EIF2B3: variants seen among roughly 807,000 people sequenced by gnomAD.
EIF2B3 encodes the protein eukaryotic translation initiation factor 2B subunit gamma.
In EIF2B3, 20 loss-of-function variants were observed where a neutral mutation model predicts 54.1. That is an observed-to-expected ratio of 0.37 (90% confidence interval 0.26 to 0.54). The LOEUF is 0.54. Among genes scored for constraint, EIF2B3 ranks in the 20% least tolerant of loss-of-function variants. The probability of loss-of-function intolerance (pLI) is 0.86; values close to 1 mark genes in which losing one functional copy is unlikely to be tolerated. For synonymous variants in EIF2B3, 153 were observed against 188.1 expected, an observed-to-expected ratio of 0.81 and a Z score of 1.52; for missense variants, 448 against 547.8, an observed-to-expected ratio of 0.82 and a Z score of 1.82.
chr1:44,923,258 C>T (rs550781025), intron 5 of EIF2B3, among the ~76,000 whole-genome samples: 13 of 152,296 alleles, frequency 8.5e-5, no homozygotes, highest in Non-Finnish European at 1.3e-4. Flanking sequence ...CAGTACTATG[C>T]TGGGTAACAG....
intron 7 of EIF2B3, among the ~76,000 whole-genome samples, chr1:44,880,478 G>A (rs534063976): frequency 6.6e-6 from 1 of 152,316 alleles, no homozygotes; most frequent in East Asian, 1.9e-4. Flanking sequence ...CCAGGCTTTA[G>A]TGGCCAGCCA....
At chr1:44,853,043 G>A (rs2016216975) in intron 11 of EIF2B3, among the ~76,000 whole-genome samples, 2 of 152,100 alleles carry the variant, frequency 1.3e-5, no homozygotes, top group Non-Finnish European at 2.9e-5. Flanking sequence ...AAGATGTTAT[G>A]GACAAGTGAG....
intron 3 of EIF2B3, among the ~76,000 whole-genome samples, chr1:44,962,023 C>T (rs546871112): frequency 4.6e-5 from 7 of 152,218 alleles, no homozygotes; most frequent in African/African-American, 1.7e-4. Context: ...GAAATCTTGT[C>T]TCTACTAAAA....
At chr1:44,875,976 G>T (rs1277011107) in intron 8 of EIF2B3, among the ~76,000 whole-genome samples, 1 of 152,202 alleles carries the variant, frequency 6.6e-6, no homozygotes, top group Non-Finnish European at 1.5e-5. Context: ...TGGTGGAGAC[G>T]GGTTTCGCTG....
intron 5 of EIF2B3, among the ~76,000 whole-genome samples, chr1:44,901,573 T>TC (rs1643306792): frequency 7.6e-6 from 1 of 132,426 alleles, no homozygotes; most frequent in African/African-American, 3.2e-5. Context: ...TTTTTTTTTT[T>TC]CTTGAGACAG....
At position 44,881,546 on chromosome 1, in the gene EIF2B3, C is replaced by G. The variant is rs976014981; in HGVS notation, c.784+66G>C. On this transcript the variant is annotated intron_variant, in intron 7 of 11. Transcript: ENST00000360403. This position sits in a 1 kb window ranked among gnomAD's most constrained non-coding sequence, Gnocchi z 4.0. ...AGGCATCTTGGGCTGGGCTAAGCTG[C>G]CCAACCACTCTTTCCAAAGGTGCTG... 3.7e-6 allele frequency: 6 copies of G among 1,602,940 alleles called. No individual in the cohort carries two copies. The highest frequency in any genetic ancestry group is 5.1e-6 in the Non-Finnish European group (6 of 1,173,102).
intron 2 of EIF2B3, among the ~76,000 whole-genome samples, chr1:44,980,551 A>C (rs949993053): frequency 2.6e-5 from 4 of 152,170 alleles, no homozygotes; most frequent in African/African-American, 9.6e-5. Flanking sequence ...TAGCTACCCA[A>C]GCAAAAAGTA....
chr1:44,925,109 G>C (rs1643826071), intron 5 of EIF2B3: 1 of 152,160 alleles, frequency 6.6e-6, no homozygotes, highest in South Asian at 2.1e-4. Flanking sequence ...AAATGCCATG[G>C]AAACAGTATG....
At chr1:44,934,164 G>A (rs898232270) in intron 4 of EIF2B3, among the ~76,000 whole-genome samples, 1 of 152,286 alleles carries the variant, frequency 6.6e-6, no homozygotes, top group South Asian at 2.1e-4. Context: ...TTGGGAGGCT[G>A]AGGCAGGTGG....
intron 10 of EIF2B3, among the ~76,000 whole-genome samples, chr1:44,861,403 C>T (rs774502192): frequency 6.6e-6 from 1 of 152,094 alleles, no homozygotes; most frequent in African/African-American, 2.4e-5. Context: ...CCTACTCAGT[C>T]GTAAGAGCCA....
chr1:44,970,371 A>G (rs1162130736), intron 3 of EIF2B3, among the ~76,000 whole-genome samples: 4 of 152,248 alleles, frequency 2.6e-5, no homozygotes, highest in African/African-American at 9.6e-5. Context: ...GAAGTCAAAC[A>G]CGAAGACCTC....
In EIF2B3 at chr1:44,958,489, CA is replaced by C. The variant is rs1191143230; in HGVS notation, c.295-16825del. On this transcript the variant is annotated intron_variant, in intron 3 of 11. Coordinates refer to ENST00000360403, the MANE Select transcript of EIF2B3 (RefSeq NM_020365.5). ...TTTGGTGCTGTAAATCCTGGATATA[CA>C]GTAGATGATTACTGCGTTTTTCTTT... is the stretch of plus-strand genomic sequence containing the variant. 3.5e-6 allele frequency: 3 copies of C among 849,102 alleles called. No individual in the cohort carries two copies. The East Asian group carries it at 8.0e-5, about 23-fold the overall frequency. The allele number at this position is 849,102 out of a possible 1,614,324, so 52.6% of individuals were successfully genotyped here.
At chr1:44,959,520 G>T in intron 3 of EIF2B3, 1 of 208,506 alleles carries the variant, frequency 4.8e-6, no homozygotes. Context: ...TCCAGCCTGG[G>T]CAACAGAGTG....
intron 3 of EIF2B3, among the ~76,000 whole-genome samples, chr1:44,970,992 G>A (rs981618438): frequency 6.6e-6 from 1 of 152,144 alleles, no homozygotes; most frequent in African/African-American, 2.4e-5. Flanking sequence ...AATGATGTGG[G>A]GGAACGGGTA....
chr1:44,857,796 T>C lies in EIF2B3; in HGVS notation c.1214A>G (p.Gln405Arg). 1 of 1,614,094 alleles carries C rather than the reference T, an allele frequency of 6.2e-7. No individual in the cohort carries two copies. Among genetic ancestry groups the C allele is most frequent in the South Asian group, 1.1e-5 (1 of 91,092 alleles). The change falls in exon 11 of 12, where the codon CAA becomes CGA. Residue 405 changes from glutamine (Q) to arginine (R), a missense_variant. By Grantham distance (43) the Gln-to-Arg change is conservative. This residue lies in a region of EIF2B3 where 350 missense variants were observed against 414.2 expected (regional missense o/e 0.85). Transcript: ENST00000360403. The part of the protein sequence containing the change: ...SVTVEEGSNI[Q>R]GSVICNNAVI... ...AGCATTGTTGCAGATGACACTGCCT[T>C]GGATATTGCTTCTGTAACACAGTAG...
chr1:44,905,755 A>G (rs570268860), intron 5 of EIF2B3, among the ~76,000 whole-genome samples: 3 of 152,344 alleles, frequency 2.0e-5, no homozygotes, highest in African/African-American at 7.2e-5. Flanking sequence ...ATACAAAAAT[A>G]CCTTCATAAC....
rs386366852 is a variant in EIF2B3 at position 44,922,836 on chromosome 1, A to ATTTTTTTTTTTTTTTTTTTTTTTT, written c.566+3768_566+3791dup. Among the ~76,000 whole-genome samples, 7 of 56,656 alleles carry ATTTTTTTTTTTTTTTTTTTTTTTT rather than the reference A, an allele frequency of 1.2e-4. 1 individual carries two copies. Among genetic ancestry groups the ATTTTTTTTTTTTTTTTTTTTTTTT allele is most frequent in the African/African-American group, 2.1e-4 (3 of 14,532 alleles). The allele number at this position is 56,656 out of a possible 152,430, so 37.2% of individuals were successfully genotyped here. A position where few individuals can be genotyped will look rare whatever the true frequency, so the allele number is the denominator to read the frequency against. On this transcript the variant is annotated intron_variant, in intron 5 of 11. Transcript: ENST00000360403. ...ATTACTTTCTTGATTTCTTTTTCAG[A>ATTTTTTTTTTTTTTTTTTTTTTTT]TTTTTTTTTTTTTTTTTTTTTTTTT...
At chr1:44,912,200 A>T (rs1643530405) in intron 5 of EIF2B3, among the ~76,000 whole-genome samples, 1 of 152,214 alleles carries the variant, frequency 6.6e-6, no homozygotes. Flanking sequence ...ATACAGAACA[A>T]AGCATAAACA....
chr1:44,910,413 C>A (rs908210234), intron 5 of EIF2B3, among the ~76,000 whole-genome samples: 1 of 152,156 alleles, frequency 6.6e-6, no homozygotes, highest in African/African-American at 2.4e-5. Context: ...TGTAATGCCT[C>A]TCCAAGTCAG....
Sources: allele counts gnomAD v4.1 joint callset (sites outside exome capture counted in the v4.1 genomes callset), GRCh38; gene constraint gnomAD v4.1.1; regional missense constraint gnomAD v4.1.1; non-coding constraint Gnocchi (gnomAD v3.1); transcripts MANE v1.5; gene names NCBI Gene and HGNC (gene_info 2026-07-23, HGNC 2026-07-21).